PRKCA: variants seen among roughly 807,000 people sequenced by gnomAD.
The protein encoded by PRKCA is protein kinase C alpha type.
PRKCA carries 27 observed loss-of-function variants against 87.0 expected under a neutral mutation model. That is an observed-to-expected ratio of 0.31 (90% CI 0.23 to 0.43). PRKCA has a LOEUF of 0.43. Among genes scored for constraint, PRKCA ranks in the 20% least tolerant of loss-of-function variants. PRKCA has a pLI of 1.00. For missense variants in PRKCA, 518 were observed against 852.3 expected (o/e 0.61, Z 4.88); for synonymous variants, 329 against 311.1 (o/e 1.06, Z -0.61).
chr17:66,774,203 G>A, intron 14 of PRKCA, 136 bp downstream of exon 14: 1 of 1,539,088 alleles, frequency 6.5e-7, no homozygotes, highest in South Asian at 1.2e-5. Flanking sequence ...CCAGGCGAAA[G>A]AGGGAGAAAC....
At chr17:66,319,244 T>G (rs1163546390) in intron 2 of PRKCA, among the ~76,000 whole-genome samples, 1 of 152,174 alleles carries the variant, frequency 6.6e-6, no homozygotes, top group Non-Finnish European at 1.5e-5. Flanking sequence ...TTGTTTAATT[T>G]TCTGAGTAAT....
At chr17:66,721,008 A>G (rs144880140) in intron 8 of PRKCA, among the ~76,000 whole-genome samples, 2 of 152,378 alleles carry the variant, frequency 1.3e-5, no homozygotes, top group East Asian at 3.9e-4. Flanking sequence ...GTCCCAATCC[A>G]GACCCCAAGA....
intron 3 of PRKCA, among the ~76,000 whole-genome samples, chr17:66,537,958 A>T (rs1967845286): frequency 1.3e-5 from 2 of 152,054 alleles, no homozygotes; most frequent in South Asian, 4.1e-4. Context: ...GGTTCACGCC[A>T]CCATGCCCAG....
intron 2 of PRKCA, among the ~76,000 whole-genome samples, chr17:66,331,626 C>G (rs957479834): frequency 6.6e-5 from 10 of 152,134 alleles, no homozygotes; most frequent in African/African-American, 1.9e-4. Flanking sequence ...ACTGGAGGAT[C>G]TCTCATGGGC....
At chr17:66,650,398 C>A (rs1193825503) in intron 5 of PRKCA, among the ~76,000 whole-genome samples, 3 of 150,776 alleles carry the variant, frequency 2.0e-5, no homozygotes, top group Non-Finnish European at 4.4e-5. Context: ...AATAGGTTTT[C>A]TACACTCTAG....
intron 2 of PRKCA, among the ~76,000 whole-genome samples, chr17:66,441,313 C>G (rs1309376366): frequency 6.6e-6 from 1 of 151,570 alleles, no homozygotes; most frequent in East Asian, 1.9e-4. Context: ...CTCTGCATTC[C>G]AGCTTGGACG....
chr17:66,391,295 A>G (rs1370809636), intron 2 of PRKCA, among the ~76,000 whole-genome samples: 3 of 152,148 alleles, frequency 2.0e-5, no homozygotes, highest in African/African-American at 7.2e-5. Context: ...TTATTACACA[A>G]ATATTTACTG....
intron 3 of PRKCA, among the ~76,000 whole-genome samples, chr17:66,562,121 AATATATATAATTAAATTAT>A (rs1460749610): frequency 1.8e-4 from 7 of 38,414 alleles, no homozygotes; most frequent in Non-Finnish European, 2.6e-4. Flanking sequence ...TATATAATTA[AATATATATAATTAAATTAT>A]ATATATAATT....
intron 8 of PRKCA, among the ~76,000 whole-genome samples, chr17:66,723,400 A>C (rs1465727781): frequency 6.6e-6 from 1 of 152,178 alleles, no homozygotes; most frequent in Non-Finnish European, 1.5e-5. Context: ...AGGCTGAGGC[A>C]GGTGGATCAC....
At chr17:66,593,819 C>T (rs1033180365) in intron 3 of PRKCA, among the ~76,000 whole-genome samples, 3 of 152,172 alleles carry the variant, frequency 2.0e-5, no homozygotes, top group African/African-American at 7.2e-5. Flanking sequence ...TGTGGGGGCC[C>T]ACGCCTGTAA....
At chr17:66,349,538 T>C (rs75732492) in intron 2 of PRKCA, among the ~76,000 whole-genome samples, 7,220 of 152,248 alleles carry the variant, frequency 0.047, 212 homozygotes, top group African/African-American at 0.077. Context: ...TTTTCATTTT[T>C]CTTCTGGCCT....
At chr17:66,681,509 A>G (rs987079080) in intron 5 of PRKCA, among the ~76,000 whole-genome samples, 2 of 152,146 alleles carry the variant, frequency 1.3e-5, no homozygotes, top group South Asian at 2.1e-4. Flanking sequence ...TAACACTACC[A>G]TTAGTAATAA....
intron 5 of PRKCA, among the ~76,000 whole-genome samples, chr17:66,657,053 G>C (rs953074000): frequency 1.3e-5 from 2 of 152,214 alleles, no homozygotes; most frequent in African/African-American, 2.4e-5. Context: ...TTAGCTTGTA[G>C]GCGTTTCCAA....
chr17:66,388,031 T>C (rs1263570258), intron 2 of PRKCA, among the ~76,000 whole-genome samples: 16 of 152,168 alleles, frequency 1.1e-4, no homozygotes, highest in Non-Finnish European at 2.9e-5. Context: ...CTTTTTGAAA[T>C]AGCTATCTCA....
intron 2 of PRKCA, among the ~76,000 whole-genome samples, chr17:66,343,587 A>T (rs1437272128): frequency 2.0e-5 from 3 of 152,136 alleles, no homozygotes; most frequent in Non-Finnish European, 4.4e-5. Flanking sequence ...AGACTATACC[A>T]GTTGGGTACT....
intron 8 of PRKCA, among the ~76,000 whole-genome samples, chr17:66,700,261 A>G (rs75249452): frequency 6.6e-6 from 1 of 152,234 alleles, no homozygotes; most frequent in Non-Finnish European, 1.5e-5. Context: ...ATGCCCTTTC[A>G]AAATAAAAAC....
intron 1 of PRKCA, 44 bp downstream of exon 1, chr17:66,303,068 C>A (rs1452413455): frequency 1.3e-6 from 2 of 1,580,902 alleles, no homozygotes; most frequent in Middle Eastern, 1.8e-4. Context: ...CTCCCCGCCT[C>A]CGGGTCCCGG....
chr17:66,504,293 GA>G (rs1916872743), intron 3 of PRKCA, among the ~76,000 whole-genome samples: 1 of 143,820 alleles, frequency 7.0e-6, no homozygotes, highest in Admixed American at 6.9e-5. Context: ...TGTACTATAA[GA>G]TTGCACAGGG....
Position 66,788,880 on chromosome 17 carries a change from T to G in PRKCA, c.1755T>G (p.Pro585=). Residue 585 remains proline, a synonymous_variant, in exon 16 of 17, where the codon CCT becomes CCG. Coordinates refer to ENST00000413366, the MANE Select transcript of PRKCA (RefSeq NM_002737.3). ...KHPAKRLGCG[P]EGERDVREHA... is the part of the protein sequence containing the mutation. ...CAGCCAAGCGGCTGGGCTGTGGGCC[T>G]GAGGGGGAGAGGGACGTGAGAGAGC... 6.2e-7 allele frequency: 1 copy of G among 1,614,030 alleles called. No individual in the cohort carries two copies. Among genetic ancestry groups the G allele is most frequent in the African/African-American group, 1.3e-5 (1 of 75,018 alleles).
Sources: allele counts gnomAD v4.1 joint callset (sites outside exome capture counted in the v4.1 genomes callset), GRCh38; gene constraint gnomAD v4.1.1; transcripts MANE v1.5; gene names NCBI Gene and HGNC (gene_info 2026-07-23, HGNC 2026-07-21).